TNIK: variants seen among roughly 807,000 people sequenced by gnomAD.
TNIK encodes TRAF2 and NCK interacting kinase.
In TNIK, 49 loss-of-function variants were observed where a neutral mutation model predicts 191.3. The observed-to-expected ratio is 0.26, with a 90% CI of 0.20 to 0.32. The LOEUF is 0.32. TNIK is among the 10% of genes least tolerant of loss of function. The probability of loss-of-function intolerance (pLI) is 1.00; values close to 1 mark genes in which losing one functional copy is unlikely to be tolerated. For missense variants in TNIK, 1,155 were observed against 1,702.3 expected (o/e 0.68, Z 5.66); for synonymous variants, 594 against 600.9 (o/e 0.99, Z 0.17).
intron 9 of TNIK, among the ~76,000 whole-genome samples, chr3:171,172,541 A>C (rs746369236): frequency 8.5e-5 from 13 of 152,232 alleles, no homozygotes; most frequent in Non-Finnish European, 1.6e-4. Context: ...GAAGTGTTTA[A>C]ATATTTTCAC....
chr3:171,329,101 CAT>C (rs994522219), intron 2 of TNIK, among the ~76,000 whole-genome samples: 3 of 152,124 alleles, frequency 2.0e-5, no homozygotes, highest in African/African-American at 7.2e-5. Context: ...CACACACACA[CAT>C]ACACACACTC....
chr3:171,071,477 C>G (rs1719167249), intron 28 of TNIK, 154 bp from the exon 29 acceptor site: 1 of 646,796 alleles, frequency 1.5e-6, no homozygotes, highest in Non-Finnish European at 2.6e-6. Context: ...GGGATTTTTT[C>G]ATAGATACTG....
At chr3:171,452,774 A>C (rs1421322387) in intron 1 of TNIK, among the ~76,000 whole-genome samples, 1 of 144,356 alleles carries the variant, frequency 6.9e-6, no homozygotes, top group East Asian at 2.1e-4. Flanking sequence ...ACACACACAT[A>C]CGCCTTGCAA....
intron 2 of TNIK, among the ~76,000 whole-genome samples, chr3:171,232,119 A>G (rs1244901440): frequency 6.6e-6 from 1 of 152,180 alleles, no homozygotes; most frequent in African/African-American, 2.4e-5. Flanking sequence ...ACAGTACCCC[A>G]ATTCTAATTT....
chr3:171,433,896 C>T (rs540433321), intron 1 of TNIK, among the ~76,000 whole-genome samples: 3 of 147,418 alleles, frequency 2.0e-5, no homozygotes, highest in South Asian at 2.2e-4. Flanking sequence ...AGATATTTTA[C>T]ACTTATTATT....
intron 2 of TNIK, among the ~76,000 whole-genome samples, chr3:171,249,385 G>C (rs1404002027): frequency 6.6e-6 from 1 of 152,182 alleles, no homozygotes; most frequent in East Asian, 1.9e-4. Context: ...AAATGGAGTT[G>C]TCATTTTCTT....
chr3:171,116,197 C>T (rs1017501936), intron 18 of TNIK, among the ~76,000 whole-genome samples: 6 of 152,128 alleles, frequency 3.9e-5, no homozygotes, highest in African/African-American at 1.4e-4. Flanking sequence ...TTTTTCTCTC[C>T]TTCATTATGT....
chr3:171,385,591 G>A (rs976280180), intron 1 of TNIK, among the ~76,000 whole-genome samples: 12 of 152,126 alleles, frequency 7.9e-5, no homozygotes, highest in Admixed American at 7.9e-4. Context: ...ACAGTCAAGC[G>A]GAGCTGAATG....
intron 12 of TNIK, among the ~76,000 whole-genome samples, 170 bp from the exon 13 acceptor site, chr3:171,140,679 G>C (rs1207786491): frequency 2.6e-5 from 4 of 152,114 alleles, no homozygotes; most frequent in South Asian, 2.1e-4. Context: ...GGCAGGGAGC[G>C]GGTGAGAGAG....
chr3:171,124,305 G>GT (rs937931470), intron 17 of TNIK, among the ~76,000 whole-genome samples: 3 of 152,178 alleles, frequency 2.0e-5, no homozygotes, highest in Non-Finnish European at 2.9e-5. Flanking sequence ...AAAGCACTGT[G>GT]TCTTGGTCAA....
chr3:171,314,378 T>C (rs1273959358), intron 2 of TNIK, among the ~76,000 whole-genome samples: 7 of 152,154 alleles, frequency 4.6e-5, no homozygotes, highest in Admixed American at 1.3e-4. Context: ...CTTGAAAATA[T>C]GACTCAATCC....
At chr3:171,284,338 T>G (rs1182762776) in intron 2 of TNIK, among the ~76,000 whole-genome samples, 1 of 152,188 alleles carries the variant, frequency 6.6e-6, no homozygotes, top group Non-Finnish European at 1.5e-5. Context: ...AATTTTTTAA[T>G]TTAGTAGTTC....
intron 1 of TNIK, among the ~76,000 whole-genome samples, chr3:171,391,664 C>T (rs1263691164): frequency 4.6e-5 from 7 of 152,288 alleles, no homozygotes; most frequent in Non-Finnish European, 8.8e-5. Context: ...ATATAAGCCC[C>T]CAATTCTAAC....
At chr3:171,298,473 T>C (rs1752554700) in intron 2 of TNIK, among the ~76,000 whole-genome samples, 1 of 152,248 alleles carries the variant, frequency 6.6e-6, no homozygotes, top group Non-Finnish European at 1.5e-5. Flanking sequence ...CTTGCAGTTA[T>C]GTCAGATCAC....
rs150384769 is a variant in TNIK, at chr3:171,347,391, T to TCACACACACACACA, written c.123+22215_123+22228dup. On this transcript the variant is annotated intron_variant, in intron 2 of 32. Coordinates refer to ENST00000436636, the MANE Select transcript of TNIK (RefSeq NM_015028.4). ...CTGGCCCTCAGCTGAGAAGTGCCTA[T>TCACACACACACACA]CACACACACACACACACACACACAC... Among the ~76,000 whole-genome samples the TCACACACACACACA allele has an allele frequency of 1.2e-3, 179 of 146,172 alleles. 1 individual carries two copies. Among genetic ancestry groups the TCACACACACACACA allele is most frequent in the African/African-American group, 3.6e-3 (143 of 39,388 alleles).
In TNIK at chr3:171,347,220, T is replaced by TG. The variant is rs1351868172; in HGVS notation, c.123+22399dup. 8.0e-6 allele frequency: 11 copies of TG among 1,381,722 alleles called. No individual in the cohort carries two copies. In the Admixed American group the frequency reaches 9.0e-5, roughly 11 times the overall value. 85.6% of individuals were successfully genotyped at this position (1,381,722 alleles called of 1,614,324 possible). A position where few individuals can be genotyped will look rare whatever the true frequency, so the allele number is the denominator to read the frequency against. On this transcript the variant is annotated intron_variant, in intron 2 of 32. Coordinates refer to ENST00000436636, the MANE Select transcript of TNIK (RefSeq NM_015028.4). ...GCCCTTCACTCACTGGTTCATTTGC[T>TG]GAAAAAAAAAAAAAAAGAAAAGAAA...
At chr3:171,343,047 C>A (rs1007233215) in intron 2 of TNIK, among the ~76,000 whole-genome samples, 1 of 152,144 alleles carries the variant, frequency 6.6e-6, no homozygotes, top group East Asian at 1.9e-4. Flanking sequence ...AAGTGTGAGT[C>A]GATTAAACCT....
At chr3:171,084,691 AG>A (rs1256112646) in intron 25 of TNIK, among the ~76,000 whole-genome samples, 1 of 152,176 alleles carries the variant, frequency 6.6e-6, no homozygotes, top group Non-Finnish European at 1.5e-5. Context: ...AATTACTTGA[AG>A]AAGATTAGAA....
At chr3:171,360,902 C>T (rs1378542119) in intron 2 of TNIK, among the ~76,000 whole-genome samples, 4 of 152,236 alleles carry the variant, frequency 2.6e-5, no homozygotes, top group Non-Finnish European at 5.9e-5. Context: ...TCATGTCTCT[C>T]CACCCAGAGA....
Sources: allele counts gnomAD v4.1 joint callset (sites outside exome capture counted in the v4.1 genomes callset), GRCh38; gene constraint gnomAD v4.1.1; transcripts MANE v1.5; gene names NCBI Gene and HGNC (gene_info 2026-07-23, HGNC 2026-07-21).